PDE10A: variants seen among roughly 807,000 people sequenced by gnomAD.
PDE10A encodes the protein cAMP and cAMP-inhibited cGMP 3',5'-cyclic phosphodiesterase 10A.
In PDE10A, 39 loss-of-function variants were observed where a neutral mutation model predicts 97.7. The ratio of observed to expected loss-of-function variants is 0.40; its 90% confidence interval spans 0.31 to 0.52. The LOEUF is 0.52. Ranked by LOEUF, PDE10A falls within the 20% of genes least tolerant of loss-of-function variation. PDE10A has a pLI of 0.56. For missense variants in PDE10A, 731 were observed against 1,047.8 expected, an observed-to-expected ratio of 0.70 and a Z score of 4.17; for synonymous variants, 371 against 376.8, an observed-to-expected ratio of 0.98 and a Z score of 0.18.
intron 1 of PDE10A, among the ~76,000 whole-genome samples, chr6:165,548,833 T>C (rs1318121313): frequency 6.6e-6 from 1 of 152,258 alleles, no homozygotes. Context: ...ATGCTTAATT[T>C]GTTCCCCTTT....
chr6:165,914,281 G>T (rs1782544881), intron 1 of PDE10A, among the ~76,000 whole-genome samples: 1 of 152,180 alleles, frequency 6.6e-6, no homozygotes, highest in Non-Finnish European at 1.5e-5. Context: ...AAGACAGACG[G>T]ACATTTCCTC....
intron 1 of PDE10A, among the ~76,000 whole-genome samples, chr6:165,822,955 T>G (rs1245223648): frequency 6.6e-6 from 1 of 151,992 alleles, no homozygotes; most frequent in Non-Finnish European, 1.5e-5. Flanking sequence ...CTCCTCAGCC[T>G]CCTGAGTAGC....
chr6:165,444,601 C>A (rs575327728), intron 5 of PDE10A, among the ~76,000 whole-genome samples: 2 of 151,920 alleles, frequency 1.3e-5, no homozygotes, highest in Non-Finnish European at 2.9e-5. Context: ...ATCTTCTTTA[C>A]AAGTAATTTT....
chr6:165,577,019 G>C (rs765048323), intron 1 of PDE10A, among the ~76,000 whole-genome samples: 3 of 152,226 alleles, frequency 2.0e-5, no homozygotes, highest in Non-Finnish European at 4.4e-5. Flanking sequence ...CCAAAGAGCT[G>C]ATCTTGCCAC....
chr6:165,933,299 G>A (rs533667431), intron 1 of PDE10A, among the ~76,000 whole-genome samples: 2 of 152,280 alleles, frequency 1.3e-5, no homozygotes, highest in East Asian at 1.9e-4. Context: ...GCTGAGAAAA[G>A]CTTGATGGAC....
intron 1 of PDE10A, among the ~76,000 whole-genome samples, chr6:165,586,532 A>G (rs975489870): frequency 1.2e-4 from 18 of 152,322 alleles, no homozygotes; most frequent in African/African-American, 4.1e-4. Context: ...CTGATACTAT[A>G]TATCAAAAGG....
chr6:165,738,462 G>A (rs891247758), intron 1 of PDE10A, among the ~76,000 whole-genome samples: 3 of 151,136 alleles, frequency 2.0e-5, no homozygotes, highest in South Asian at 2.1e-4. Flanking sequence ...GAATAATGCC[G>A]CAGTAAACAT....
At position 165,721,758 on chromosome 6, in the gene PDE10A, C is replaced by G. The variant is rs565779412; in HGVS notation, c.-614-178190G>C. On this transcript the variant is annotated intron_variant, in intron 1 of 19. Coordinates refer to the PDE10A transcript ENST00000366882. ...GATTCACTATCTGTGCAAATATCACCTGTCTCATACCATCTTTTAATTACT... is the reference window on the plus strand; with the variant it reads ...GATTCACTATCTGTGCAAATATCACGTGTCTCATACCATCTTTTAATTACT... 1.0e-3 allele frequency among the ~76,000 whole-genome samples: 153 copies of G among 152,326 alleles called. 1 individual carries two copies. Among genetic ancestry groups the G allele is most frequent in the African/African-American group, 3.5e-3 (147 of 41,580 alleles).
At chr6:165,708,582 A>C (rs535711356) in intron 1 of PDE10A, among the ~76,000 whole-genome samples, 1 of 151,582 alleles carries the variant, frequency 6.6e-6, no homozygotes, top group South Asian at 2.1e-4. Context: ...GCTCCTCCCC[A>C]TCAGAACAAA....
chr6:165,704,820 C>G (rs1791667076), intron 1 of PDE10A, among the ~76,000 whole-genome samples: 1 of 152,178 alleles, frequency 6.6e-6, no homozygotes, highest in South Asian at 2.1e-4. Flanking sequence ...CATTTTGTGC[C>G]TTTTGATCAA....
intron 1 of PDE10A, among the ~76,000 whole-genome samples, chr6:165,901,512 GC>G (rs1224047373): frequency 6.6e-6 from 1 of 152,078 alleles, no homozygotes; most frequent in African/African-American, 2.4e-5. Context: ...ATTACAAAAT[GC>G]CCCGCATGGC....
intron 1 of PDE10A, among the ~76,000 whole-genome samples, chr6:165,649,688 A>G (rs139099486): frequency 1.4e-3 from 217 of 152,300 alleles, no homozygotes; most frequent in African/African-American, 5.0e-3. Flanking sequence ...TCACAACAGA[A>G]TAACTTGTAA....
rs752231906 is a variant in PDE10A, at chr6:165,576,439, C to A, written c.866-32871G>T. ...GTTAAATGTTGGGATTTCCTCTCTT[C>A]TATCCTCATTCTACATTCTTTTCCT... is the stretch of plus-strand genomic sequence containing the variant. On this transcript the variant is annotated intron_variant, in intron 1 of 21. Transcript: ENST00000539869. The A allele has an allele frequency of 5.1e-6, 4 of 780,792 alleles. No individual in the cohort carries two copies. The African/African-American group carries it at 6.8e-5, about 13-fold the overall frequency. The allele number at this position is 780,792 out of a possible 1,614,324, so 48.4% of individuals were successfully genotyped here. A position where few individuals can be genotyped will look rare whatever the true frequency, so the allele number is the denominator to read the frequency against.
intron 1 of PDE10A, among the ~76,000 whole-genome samples, chr6:165,937,239 G>T (rs1215326696): frequency 1.3e-5 from 2 of 152,136 alleles, no homozygotes; most frequent in African/African-American, 4.8e-5. Flanking sequence ...AATATGGAAG[G>T]GTTCATGTGG....
chr6:165,755,025 A>T (rs569768209), intron 1 of PDE10A, among the ~76,000 whole-genome samples: 1 of 152,352 alleles, frequency 6.6e-6, no homozygotes, highest in East Asian at 1.9e-4. Context: ...GTTTACATTT[A>T]AAACTGAAAA....
chr6:165,532,541 G>A (rs752425496), intron 2 of PDE10A, among the ~76,000 whole-genome samples: 31 of 152,040 alleles, frequency 2.0e-4, no homozygotes, highest in South Asian at 4.1e-4. Context: ...AGGGTTCCCT[G>A]AGACACTAGA....
intron 1 of PDE10A, among the ~76,000 whole-genome samples, chr6:165,938,759 AAC>A (rs138143248): frequency 3.0e-4 from 45 of 149,610 alleles, no homozygotes; most frequent in Admixed American, 1.4e-3. Flanking sequence ...AAAACAAAAC[AAC>A]ACACACACAC....
At chr6:165,639,740 A>C (rs1332405138) in intron 1 of PDE10A, among the ~76,000 whole-genome samples, 1 of 71,730 alleles carries the variant, frequency 1.4e-5, no homozygotes, top group Non-Finnish European at 2.8e-5. Context: ...CTCTGTCCCA[A>C]AAAAAAAAAA....
intron 1 of PDE10A, among the ~76,000 whole-genome samples, chr6:165,593,782 T>A (rs2987297): frequency 0.71 from 107,981 of 152,084 alleles, 40,203 homozygotes; most frequent in Non-Finnish European, 0.83. Context: ...ATGAAGTATG[T>A]AGGTCATTCT....
Sources: gnomAD v4.1 joint callset for allele counts (sites outside exome capture counted in the v4.1 genomes callset) on GRCh38, gnomAD v4.1.1 for gene constraint, MANE v1.5 for transcripts, NCBI Gene and HGNC (gene_info 2026-07-23, HGNC 2026-07-21) for gene names.